SNX29: variants seen among roughly 807,000 people sequenced by gnomAD.
SNX29 encodes sorting nexin 29, also known as sorting nexin-29.
A neutral mutation model predicts 102.1 loss-of-function variants in SNX29; 78 were observed. The observed-to-expected ratio is 0.76, with a 90% CI of 0.64 to 0.92. The LOEUF (loss-of-function observed/expected upper bound fraction) is 0.92, where lower values mean the gene tolerates loss of function less well. Among genes scored for constraint, SNX29 ranks in the 40% least tolerant of loss-of-function variants. SNX29 has a pLI of 0.00. For synonymous variants in SNX29, 580 were observed against 414.5 expected, an observed-to-expected ratio of 1.40 and a Z score of -4.85; for missense variants, 1,280 against 1,061.7, an observed-to-expected ratio of 1.21 and a Z score of -2.86.
chr16:12,433,477 A>C (rs917914127), intron 18 of SNX29, among the ~76,000 whole-genome samples: 1 of 151,972 alleles, frequency 6.6e-6, no homozygotes, highest in Non-Finnish European at 1.5e-5. Flanking sequence ...CTAAAAATAG[A>C]ACAATTAGCC....
At chr16:12,340,789 C>T (rs1171609613) in intron 15 of SNX29, among the ~76,000 whole-genome samples, 2 of 152,192 alleles carry the variant, frequency 1.3e-5, no homozygotes, top group Non-Finnish European at 1.5e-5. Context: ...GGCATTGAAG[C>T]ATCTTTGTGG....
At chr16:12,536,801 C>T (rs149046575) in intron 20 of SNX29, among the ~76,000 whole-genome samples, 1,840 of 152,182 alleles carry the variant, frequency 0.012, 57 homozygotes, top group South Asian at 0.11. Context: ...CATGGTAAAA[C>T]CCCATCTCTA....
chr16:12,063,545 C>A (rs1448429948), intron 9 of SNX29, among the ~76,000 whole-genome samples: 1 of 151,630 alleles, frequency 6.6e-6, no homozygotes, highest in Non-Finnish European at 1.5e-5. Flanking sequence ...CGGCTAAATT[C>A]TTTTTGTATT....
intron 4 of SNX29, among the ~76,000 whole-genome samples, chr16:12,037,316 C>T (rs969039457): frequency 6.6e-6 from 1 of 152,070 alleles, no homozygotes; most frequent in Non-Finnish European, 1.5e-5. Context: ...CCATTGTTTG[C>T]TGACCTCAGC....
At chr16:12,240,296 A>T (rs1300214479) in intron 14 of SNX29, among the ~76,000 whole-genome samples, 1 of 152,224 alleles carries the variant, frequency 6.6e-6, no homozygotes, top group African/African-American at 2.4e-5. Flanking sequence ...CTTCCCAGAA[A>T]AACATGTATT....
intron 15 of SNX29, among the ~76,000 whole-genome samples, chr16:12,297,566 T>C (rs2080023587): frequency 6.6e-6 from 1 of 151,958 alleles, no homozygotes; most frequent in Non-Finnish European, 1.5e-5. Flanking sequence ...TGAGGTGTCC[T>C]CAGCACCCCC....
intron 20 of SNX29, among the ~76,000 whole-genome samples, chr16:12,560,101 T>C (rs2078633805): frequency 6.6e-6 from 1 of 151,678 alleles, no homozygotes; most frequent in Non-Finnish European, 1.5e-5. Context: ...CCACAAAGGA[T>C]GAGTTGACAA....
At chr16:12,117,199 G>A (rs866114955) in intron 11 of SNX29, among the ~76,000 whole-genome samples, 1 of 142,738 alleles carries the variant, frequency 7.0e-6, no homozygotes, top group South Asian at 2.3e-4. Flanking sequence ...CTTCAACGCG[G>A]ATGAACCGTG....
intron 12 of SNX29, 127 bp downstream of exon 12, chr16:12,126,823 C>T (rs760944095): frequency 8.2e-5 from 77 of 934,450 alleles, no homozygotes; most frequent in Non-Finnish European, 1.2e-4. Flanking sequence ...TATTTCTTAT[C>T]GTCAGGGATA....
intron 18 of SNX29, among the ~76,000 whole-genome samples, chr16:12,413,137 G>A (rs997075753): frequency 2.0e-5 from 3 of 152,178 alleles, no homozygotes; most frequent in African/African-American, 7.2e-5. Flanking sequence ...GTTTTGGTTA[G>A]GAAGGGAGTG....
intron 16 of SNX29, among the ~76,000 whole-genome samples, chr16:12,383,845 A>G (rs2083262470): frequency 1.4e-5 from 2 of 139,682 alleles, no homozygotes; most frequent in Admixed American, 7.7e-5. Flanking sequence ...CCCATTAGCC[A>G]TCCCTTCCTC....
At chr16:12,470,595 C>T (rs1359889783) in intron 18 of SNX29, among the ~76,000 whole-genome samples, 7 of 152,068 alleles carry the variant, frequency 4.6e-5, no homozygotes, top group Admixed American at 2.6e-4. Flanking sequence ...GAAACCCACT[C>T]GAGAAGGTCA....
intron 15 of SNX29, among the ~76,000 whole-genome samples, chr16:12,325,712 TTATCAGCGGGATTA>T (rs1327659534): frequency 3.9e-5 from 6 of 152,128 alleles, no homozygotes; most frequent in Non-Finnish European, 8.8e-5. Context: ...GCTCCTTATT[TTATCAGCGGGATTA>T]TATTTAAATA....
In SNX29 at chr16:12,088,044, T is replaced by C. The variant is rs771874816; in HGVS notation, c.1402+9129T>C. 6 of 456,662 alleles carry C rather than the reference T, an allele frequency of 1.3e-5. 1 individual carries two copies. Among genetic ancestry groups the C allele is most frequent in the South Asian group, 9.3e-5 (6 of 64,558 alleles). 28.3% of individuals were successfully genotyped at this position (456,662 alleles called of 1,614,324 possible). A position where few individuals can be genotyped will look rare whatever the true frequency, so the allele number is the denominator to read the frequency against. On this transcript the variant is annotated intron_variant, in intron 11 of 20. Transcript: ENST00000566228. ...CTGCCCTGTCTCGTTCTGGCTTTGC[T>C]TGTGTCTCTAGGCTAGGCTGCATGA... is the stretch of plus-strand genomic sequence containing the variant.
chr16:12,124,343 G>A (rs961403538), intron 11 of SNX29, among the ~76,000 whole-genome samples: 2 of 143,038 alleles, frequency 1.4e-5, no homozygotes, highest in African/African-American at 5.5e-5. Flanking sequence ...GTGACAGAGT[G>A]GGACTCCGTC....
chr16:12,049,495 G>A (rs960224388), intron 7 of SNX29, among the ~76,000 whole-genome samples: 2 of 152,038 alleles, frequency 1.3e-5, no homozygotes, highest in African/African-American at 4.8e-5. Context: ...AACATGCGTG[G>A]TTTCTTTTTG....
chr16:12,538,257 A>G (rs1180925376), intron 20 of SNX29, among the ~76,000 whole-genome samples: 1 of 152,226 alleles, frequency 6.6e-6, no homozygotes, highest in East Asian at 1.9e-4. Flanking sequence ...CTGGGATTAC[A>G]GGGATCTGCC....
intron 18 of SNX29, among the ~76,000 whole-genome samples, chr16:12,439,423 G>A (rs535135615): frequency 1.0e-3 from 152 of 152,264 alleles, no homozygotes; most frequent in Non-Finnish European, 1.6e-3. Flanking sequence ...ACATACCAGA[G>A]ACCGGGCAAT....
At chr16:12,461,597 T>C (rs2151753930) in intron 18 of SNX29, among the ~76,000 whole-genome samples, 1 of 152,254 alleles carries the variant, frequency 6.6e-6, no homozygotes, top group South Asian at 2.1e-4. Flanking sequence ...CTGCTTCGGG[T>C]TGGAAAACAA....
Sources: gnomAD v4.1 joint callset for allele counts (sites outside exome capture counted in the v4.1 genomes callset) on GRCh38, gnomAD v4.1.1 for gene constraint, MANE v1.5 for transcripts, NCBI Gene and HGNC (gene_info 2026-07-23, HGNC 2026-07-21) for gene names.